KRT80: variants seen among roughly 807,000 people sequenced by gnomAD.
KRT80 encodes the protein keratin, type II cytoskeletal 80.
In KRT80, 36 loss-of-function variants were observed where a neutral mutation model predicts 51.5. The observed-to-expected ratio is 0.70, with a 90% CI of 0.54 to 0.92. The LOEUF (loss-of-function observed/expected upper bound fraction) is 0.92, where lower values mean the gene tolerates loss of function less well. KRT80 is among the 40% of genes least tolerant of loss of function. The pLI is 0.00. For synonymous variants in KRT80, 235 were observed against 248.3 expected (o/e 0.95, Z 0.50); for missense variants, 566 against 591.7 (o/e 0.96, Z 0.45).
chr12:52,177,831 T>C (rs1191306621), intron 4 of KRT80, among the ~76,000 whole-genome samples: 1 of 152,126 alleles, frequency 6.6e-6, no homozygotes, highest in Non-Finnish European at 1.5e-5. Context: ...TTCTTCCACC[T>C]GAGGCAGGTG....
In KRT80 at chr12:52,185,532, T is replaced by G; in HGVS notation, c.356A>C (p.Gln119Pro). ...GTCGAAGATGGCTGAGTCCTGGCCCTGCAGGAAGCTCCAGCGTGTCTCCAG... is the reference window on the plus strand; with the variant it reads ...GTCGAAGATGGCTGAGTCCTGGCCCGGCAGGAAGCTCCAGCGTGTCTCCAG... ...QLLETRWSFLQGQDSAIFDLG... is the reference protein window; with the variant it reads ...QLLETRWSFLPGQDSAIFDLG... Residue 119 changes from glutamine (Q) to proline (P), a missense_variant, in exon 2 of 9, where the codon CAG becomes CCG. Physicochemically the swap from Gln to Pro is moderately conservative, Grantham distance 76 (BLOSUM62 -1). Coordinates refer to ENST00000394815, the MANE Select transcript of KRT80 (RefSeq NM_182507.3). 1 of 1,613,130 alleles carries G rather than the reference T, an allele frequency of 6.2e-7. No individual in the cohort carries two copies. Among genetic ancestry groups the G allele is most frequent in the East Asian group, 2.2e-5 (1 of 44,878 alleles).
intron 2 of KRT80, 84 bp downstream of exon 2, chr12:52,185,295 C>A (rs1941385497): frequency 6.8e-6 from 9 of 1,316,840 alleles, no homozygotes; most frequent in Non-Finnish European, 9.4e-6. Flanking sequence ...TTTCCTCTTT[C>A]TCTGGCTTAA....
At chr12:52,191,311 T>C (rs1349681901) in intron 1 of KRT80, among the ~76,000 whole-genome samples, 1 of 152,158 alleles carries the variant, frequency 6.6e-6, no homozygotes, top group Non-Finnish European at 1.5e-5. Flanking sequence ...TAGGTGGTCC[T>C]CCCCAGTCCC....
intron 4 of KRT80, among the ~76,000 whole-genome samples, chr12:52,175,476 G>A (rs759650717): frequency 2.2e-4 from 34 of 152,134 alleles, no homozygotes; most frequent in Non-Finnish European, 4.7e-4. Flanking sequence ...TGCTTGGAGA[G>A]TTTGTGCTGA....
rs774496462 is a variant in KRT80, at chr12:52,173,773, G to A, written c.667-9C>T. On this transcript the variant is annotated splice_polypyrimidine_tract_variant and intron_variant, in intron 4 of 8. Transcript: ENST00000394815. ...GCCAGGTCCTTCAGCTCCTGACCGG[G>A]CACAGATGTGGGGGCTCAGGGCTGG... 6 of 1,607,874 alleles carry A rather than the reference G, an allele frequency of 3.7e-6. No individual in the cohort carries two copies. In the Admixed American group the frequency reaches 8.3e-5, roughly 22 times the overall value.
In KRT80 at chr12:52,180,622, C is replaced by T. The variant is rs750349720; in HGVS notation, c.571-14G>A. The stretch of plus-strand genomic sequence containing the variant: ...TGCATCCAGGTCCTGGGGTTGGCAG[C>T]AGTGGTGAGTGGTGGGAGAGGGAAT... On this transcript the variant is annotated splice_polypyrimidine_tract_variant and intron_variant, in intron 3 of 8. Coordinates refer to ENST00000394815, the MANE Select transcript of KRT80 (RefSeq NM_182507.3). 7.2e-6 allele frequency: 11 copies of T among 1,517,522 alleles called. No individual in the cohort carries two copies. The highest frequency in any genetic ancestry group is 9.7e-6 in the Non-Finnish European group (11 of 1,134,154). 94.0% of individuals were successfully genotyped at this position (1,517,522 alleles called of 1,614,324 possible). A position where few individuals can be genotyped will look rare whatever the true frequency, so the allele number is the denominator to read the frequency against.
chr12:52,188,003 A>G (rs2085502), intron 1 of KRT80, among the ~76,000 whole-genome samples: 74,952 of 151,768 alleles, frequency 0.49, 19,305 homozygotes, highest in Middle Eastern at 0.62. Flanking sequence ...TCCAGCTAGA[A>G]GGCATCTGTG....
At chr12:52,179,258 G>T (rs2120899632) in intron 4 of KRT80, among the ~76,000 whole-genome samples, 1 of 152,340 alleles carries the variant, frequency 6.6e-6, no homozygotes, top group South Asian at 2.1e-4. Context: ...TGGCCCTGCT[G>T]ATGCCAGCCT....
chr12:52,173,481 C>T (rs1315924725), intron 5 of KRT80, 119 bp downstream of exon 5: 1 of 840,236 alleles, frequency 1.2e-6, no homozygotes, highest in Non-Finnish European at 1.9e-6. Flanking sequence ...CTCCATTCCT[C>T]TCTCATAGAC....
intron 4 of KRT80, among the ~76,000 whole-genome samples, chr12:52,178,393 CTTT>C (rs1941267669): frequency 6.6e-6 from 1 of 152,240 alleles, no homozygotes; most frequent in Non-Finnish European, 1.5e-5. Context: ...CCAGAGACTT[CTTT>C]CTTTTTCTTT....
intron 1 of KRT80, among the ~76,000 whole-genome samples, chr12:52,191,198 C>T (rs1307228562): frequency 1.3e-5 from 2 of 152,122 alleles, no homozygotes; most frequent in Non-Finnish European, 2.9e-5. Context: ...TAAACAGGAG[C>T]GTGGTGCCTG....
intron 4 of KRT80, among the ~76,000 whole-genome samples, chr12:52,178,982 G>A (rs1941278359): frequency 6.6e-6 from 1 of 152,180 alleles, no homozygotes; most frequent in Non-Finnish European, 1.5e-5. Context: ...CTTGTGGGGT[G>A]CTCAGGAATA....
chr12:52,178,614 A>G (rs1445220794), intron 4 of KRT80, among the ~76,000 whole-genome samples: 1 of 152,202 alleles, frequency 6.6e-6, no homozygotes, highest in African/African-American at 2.4e-5. Flanking sequence ...CTGCGAAGCG[A>G]TCTTGTCCAG....
intron 4 of KRT80, among the ~76,000 whole-genome samples, chr12:52,176,294 C>T (rs1167424903): frequency 6.6e-6 from 1 of 152,150 alleles, no homozygotes; most frequent in African/African-American, 2.4e-5. Flanking sequence ...CGTGAGCCTC[C>T]AAATGGTTAA....
In KRT80 at chr12:52,180,474, G is replaced by T. The variant is rs777077182; in HGVS notation, c.666+39C>A. On this transcript the variant is annotated intron_variant, in intron 4 of 8. Coordinates refer to ENST00000394815, the MANE Select transcript of KRT80 (RefSeq NM_182507.3). Reference sequence around the variant, plus strand: ...GTGTCCTTTACCCATGGACCAGCCAGCTCTGGGCTTGGCAAGACACTGGCC... The same window carrying T: ...GTGTCCTTTACCCATGGACCAGCCATCTCTGGGCTTGGCAAGACACTGGCC... 3.7e-6 allele frequency: 5 copies of T among 1,355,638 alleles called. No individual in the cohort carries two copies. The Admixed American group carries it at 1.1e-4, about 30-fold the overall frequency. 84.0% of individuals were successfully genotyped at this position (1,355,638 alleles called of 1,614,324 possible).
At chr12:52,177,554 G>A (rs1267333584) in intron 4 of KRT80, among the ~76,000 whole-genome samples, 1 of 152,150 alleles carries the variant, frequency 6.6e-6, no homozygotes, top group Non-Finnish European at 1.5e-5. Context: ...CAGAGGGTTT[G>A]CAGTAGATGA....
intron 4 of KRT80, among the ~76,000 whole-genome samples, chr12:52,176,766 C>T (rs188542914): frequency 3.5e-4 from 54 of 152,358 alleles, no homozygotes; most frequent in African/African-American, 1.2e-3. Flanking sequence ...CAGGCGTGAG[C>T]CACTGTGCCC....
At position 52,170,712 on chromosome 12, in the gene KRT80, A is replaced by C. The variant is rs896718075; in HGVS notation, c.*686T>G. 1 of 152,618 alleles carries C rather than the reference A, an allele frequency of 6.6e-6. No individual in the cohort carries two copies. Among genetic ancestry groups the C allele is most frequent in the Non-Finnish European group, 1.5e-5 (1 of 68,066 alleles). The allele number at this position is 152,618 out of a possible 1,614,324, so 9.5% of individuals were successfully genotyped here. A position where few individuals can be genotyped will look rare whatever the true frequency, so the allele number is the denominator to read the frequency against. ...GCTGGGGGCAGCCCATCCAGTTCTG[A>C]CTACTGCCTACTGGGAGGGACCCAT... On this transcript the variant is annotated 3_prime_UTR_variant, in exon 9 of 9. Transcript: ENST00000394815.
chr12:52,174,392 A>G (rs2120880410), intron 4 of KRT80, among the ~76,000 whole-genome samples: 1 of 152,352 alleles, frequency 6.6e-6, no homozygotes, highest in African/African-American at 2.4e-5. Context: ...ACAGCCTGTG[A>G]GGAGCCTGGG....
Sources: gnomAD v4.1 joint callset for allele counts (sites outside exome capture counted in the v4.1 genomes callset) on GRCh38, gnomAD v4.1.1 for gene constraint, MANE v1.5 for transcripts, NCBI Gene and HGNC (gene_info 2026-07-23, HGNC 2026-07-21) for gene names.